The following AOX1 variants were observed in gnomAD, a reference collection of about 807,000 sequenced individuals.
The protein encoded by AOX1 is aldehyde oxidase.
Under a neutral mutation model 169.5 loss-of-function variants are expected in AOX1, and 153 were observed. The ratio of observed to expected loss-of-function variants is 0.90; its 90% CI spans 0.79 to 1.03. The LOEUF is 1.03. AOX1 is among the 50% of genes least tolerant of loss of function. AOX1 has a pLI of 0.00. For missense variants in AOX1, 1,656 were observed against 1,663.9 expected, an observed-to-expected ratio of 1.00 and a Z score of 0.08; for synonymous variants, 562 against 581.9, an observed-to-expected ratio of 0.97 and a Z score of 0.49.
chr2:200,614,445 G>T (rs1009956639), intron 15 of AOX1, among the ~76,000 whole-genome samples: 1 of 152,164 alleles, frequency 6.6e-6, no homozygotes, highest in Non-Finnish European at 1.5e-5. Context: ...GCTTCATATG[G>T]TCCCTAGTGC....
chr2:200,603,926 TCTGA>T (rs2034463880), intron 7 of AOX1, 87 bp from the exon 8 acceptor site: 1 of 878,766 alleles, frequency 1.1e-6, no homozygotes. Flanking sequence ...GTTTGCTGTA[TCTGA>T]CTGTGTATCT....
chr2:200,677,958 C>A (rs1039970817), downstream of AOX1, among the ~76,000 whole-genome samples: 1 of 152,314 alleles, frequency 6.6e-6, no homozygotes, highest in African/African-American at 2.4e-5. Flanking sequence ...AATTAGCAAG[C>A]ACTAGAGGGA....
chr2:200,664,504 C>T (rs1464434864), intron 31 of AOX1, among the ~76,000 whole-genome samples: 1 of 152,200 alleles, frequency 6.6e-6, no homozygotes, highest in Non-Finnish European at 1.5e-5. Context: ...TCTTATATTC[C>T]TATATATGCA....
chr2:200,627,621 C>T (rs1185681351), intron 20 of AOX1, among the ~76,000 whole-genome samples, 172 bp downstream of exon 20: 1 of 152,106 alleles, frequency 6.6e-6, no homozygotes, highest in African/African-American at 2.4e-5. Flanking sequence ...CTGGGGTAGG[C>T]CAAGAGCCAA....
intron 23 of AOX1, among the ~76,000 whole-genome samples, chr2:200,639,474 C>G (rs1027284373): frequency 6.6e-6 from 1 of 152,176 alleles, no homozygotes; most frequent in African/African-American, 2.4e-5. Flanking sequence ...AGCACTGTCT[C>G]CATCGCAAAA....
chr2:200,649,732 G>T (rs1444603731), intron 25 of AOX1, among the ~76,000 whole-genome samples: 17 of 152,078 alleles, frequency 1.1e-4, no homozygotes, highest in Admixed American at 1.1e-3. Flanking sequence ...ATTAGTGTGG[G>T]GAGATGGGGT....
intron 25 of AOX1, among the ~76,000 whole-genome samples, chr2:200,649,911 A>G (rs1038527164): frequency 1.3e-5 from 2 of 152,208 alleles, no homozygotes; most frequent in African/African-American, 4.8e-5. Context: ...TACATTGTCT[A>G]TGGCTCCATT....
intron 10 of AOX1, among the ~76,000 whole-genome samples, chr2:200,606,303 G>A (rs957165237): frequency 6.6e-6 from 1 of 152,130 alleles, no homozygotes; most frequent in African/African-American, 2.4e-5. Context: ...TGGATGTGTG[G>A]TTTTATTTCT....
intron 23 of AOX1, among the ~76,000 whole-genome samples, chr2:200,640,691 C>T (rs1487872925): frequency 6.6e-6 from 1 of 152,144 alleles, no homozygotes; most frequent in African/African-American, 2.4e-5. Flanking sequence ...TGTCCTTTAC[C>T]ACCATGGGAC....
intron 23 of AOX1, among the ~76,000 whole-genome samples, chr2:200,640,350 G>A (rs2035330183): frequency 1.3e-5 from 2 of 152,158 alleles, no homozygotes; most frequent in African/African-American, 4.8e-5. Flanking sequence ...GATGCTTTGG[G>A]GAGGGTAACA....
intron 19 of AOX1, among the ~76,000 whole-genome samples, chr2:200,625,499 C>G (rs897860391): frequency 2.6e-5 from 4 of 152,158 alleles, no homozygotes; most frequent in Admixed American, 1.3e-4. Context: ...GATACAAGCT[C>G]TGGCTTTGTG....
intron 3 of AOX1, among the ~76,000 whole-genome samples, 174 bp from the exon 4 acceptor site, chr2:200,597,223 G>A (rs1472681910): frequency 6.6e-6 from 1 of 152,194 alleles, no homozygotes; most frequent in African/African-American, 2.4e-5. Flanking sequence ...CTGATCCTCA[G>A]ATTCCACTTC....
chr2:200,609,988 T>G (rs189042710), intron 12 of AOX1, among the ~76,000 whole-genome samples: 62 of 152,024 alleles, frequency 4.1e-4, no homozygotes, highest in African/African-American at 1.3e-3. Flanking sequence ...ATTTGTGGGG[T>G]TTTTTTTCGT....
intron 16 of AOX1, among the ~76,000 whole-genome samples, chr2:200,617,911 C>A (rs946625723): frequency 2.0e-5 from 3 of 152,052 alleles, no homozygotes; most frequent in Admixed American, 6.6e-5. Context: ...CCTGGTAGAA[C>A]CTCATTGTTG....
In AOX1 at chr2:200,586,088, C is replaced by G. The variant is rs753986149; in HGVS notation, c.-21C>G. On this transcript the variant is annotated 5_prime_UTR_variant, in exon 1 of 35. Coordinates refer to ENST00000374700, the MANE Select transcript of AOX1 (RefSeq NM_001159.4). Reference sequence around the variant, plus strand: ...ACCTCCGCCTCCCGCTCCGGGCCCTCGAACCAGCGCGGACACCACAATGGA... The same window carrying G: ...ACCTCCGCCTCCCGCTCCGGGCCCTGGAACCAGCGCGGACACCACAATGGA... 7.1e-6 allele frequency: 11 copies of G among 1,552,368 alleles called. No individual in the cohort carries two copies. The African/African-American group carries it at 8.2e-5, about 12-fold the overall frequency.
chr2:200,591,807 C>T (rs954696928), intron 1 of AOX1, among the ~76,000 whole-genome samples: 5 of 151,954 alleles, frequency 3.3e-5, no homozygotes, highest in East Asian at 3.9e-4. Context: ...GACGATATTG[C>T]GGGTACCAAG....
rs894028050 is a variant in AOX1, at chr2:200,593,184, G to C, written c.84G>C (p.Leu28Phe). The change falls in exon 2 of 35, where the codon TTG becomes TTC. Residue 28 changes from leucine to phenylalanine, a missense_variant. Physicochemically the swap from Leu to Phe is conservative, Grantham distance 22. Coordinates refer to ENST00000374700, the MANE Select transcript of AOX1 (RefSeq NM_001159.4). ...EKNVDPETMLLPYLRKKLRLT... is the reference protein window; with the variant it reads ...EKNVDPETMLFPYLRKKLRLT... ...ATGTCGATCCTGAAACAATGCTGTT[G>C]CCTTATTTGAGGAAGAAGCGTATCC... 2 of 1,613,570 alleles carry C rather than the reference G, an allele frequency of 1.2e-6. No homozygotes were observed. Among genetic ancestry groups the C allele is most frequent in the African/African-American group, 1.3e-5 (1 of 74,892 alleles).
chr2:200,656,892 C>A lies in AOX1; in HGVS notation c.3126C>A (p.His1042Gln). 6.3e-7 allele frequency: 1 copy of A among 1,576,732 alleles called. No homozygotes were observed. Among genetic ancestry groups the A allele is most frequent in the Non-Finnish European group, 8.6e-7 (1 of 1,160,324 alleles). ...TTGATGGCTCTGTGCTGGTCACTCA[C>A]GGTGGAATTGAAATGGGGCAGGGGG... ...IYLDGSVLVTHGGIEMGQGVH... is the reference protein window; with the variant it reads ...IYLDGSVLVTQGGIEMGQGVH... Residue 1042 changes from histidine (H) to glutamine (Q), a missense_variant, in exon 27 of 35, where the codon CAC (histidine) becomes CAA (glutamine). Physicochemically the swap from His to Gln is conservative, Grantham distance 24 (BLOSUM62 0). Coordinates refer to ENST00000374700, the MANE Select transcript of AOX1 (RefSeq NM_001159.4).
At position 200,621,312 on chromosome 2, in the gene AOX1, A is replaced by G. The variant is rs543889352; in HGVS notation, c.2001+66A>G. On this transcript the variant is annotated intron_variant, in intron 18 of 34. Transcript: ENST00000374700. ...AGTTAACGGTGCTTCATATTTTCTT[A>G]AAGATACCATCTACTTTGGCACACC... 1.7e-3 allele frequency: 2,578 copies of G among 1,555,928 alleles called. 5 individuals are homozygous for G. Among genetic ancestry groups the G allele is most frequent in the Non-Finnish European group, 2.0e-3 (2,323 of 1,148,464 alleles).
Sources: gnomAD v4.1 joint callset for allele counts (sites outside exome capture counted in the v4.1 genomes callset) on GRCh38, gnomAD v4.1.1 for gene constraint, MANE v1.5 for transcripts, NCBI Gene and HGNC (gene_info 2026-07-23, HGNC 2026-07-21) for gene names.